The following CAMK1D variants were observed in gnomAD, a reference collection of about 807,000 sequenced individuals.
CAMK1D encodes calcium/calmodulin dependent protein kinase ID, also known as calcium/calmodulin-dependent protein kinase type 1D.
Under a neutral mutation model 47.7 loss-of-function variants are expected in CAMK1D, and 9 were observed. The ratio of observed to expected loss-of-function variants is 0.19; its 90% CI spans 0.11 to 0.33. The LOEUF (loss-of-function observed/expected upper bound fraction) is 0.33. Among genes scored for constraint, CAMK1D ranks in the 10% least tolerant of loss-of-function variants. CAMK1D has a pLI of 1.00. For synonymous variants in CAMK1D, 184 were observed against 184.9 expected (o/e 0.99, Z 0.04); for missense variants, 291 against 488.7 (o/e 0.60, Z 3.81).
At chr10:12,364,792 A>G (rs528456606) in intron 1 of CAMK1D, among the ~76,000 whole-genome samples, 4 of 152,174 alleles carry the variant, frequency 2.6e-5, no homozygotes, top group Admixed American at 2.0e-4. Flanking sequence ...TCTGATTTCA[A>G]GCTCCCCATG....
intron 2 of CAMK1D, among the ~76,000 whole-genome samples, chr10:12,600,682 A>G (rs1015848543): frequency 6.6e-6 from 1 of 152,194 alleles, no homozygotes; most frequent in East Asian, 1.9e-4. Flanking sequence ...ACATGGATCT[A>G]TTGCGTAGTG....
chr10:12,427,070 G>T (rs1229273935), intron 1 of CAMK1D, among the ~76,000 whole-genome samples: 1 of 152,092 alleles, frequency 6.6e-6, no homozygotes, highest in African/African-American at 2.4e-5. Flanking sequence ...GACTGGTCTC[G>T]AACTCCTGGG....
chr10:12,411,087 G>C (rs1256659407), intron 1 of CAMK1D, among the ~76,000 whole-genome samples: 2 of 152,100 alleles, frequency 1.3e-5, no homozygotes, highest in Non-Finnish European at 2.9e-5. Flanking sequence ...TAAGCTTCGA[G>C]CCCACCCCAT....
intron 10 of CAMK1D, among the ~76,000 whole-genome samples, chr10:12,827,346 CCTT>C (rs2131130177): frequency 6.8e-5 from 6 of 88,506 alleles, no homozygotes; most frequent in Non-Finnish European, 9.0e-5. Flanking sequence ...TTCCTTCCTT[CCTT>C]CTTCCTTTCT....
intron 3 of CAMK1D, among the ~76,000 whole-genome samples, chr10:12,711,093 C>A (rs947537909): frequency 6.6e-6 from 1 of 152,162 alleles, no homozygotes; most frequent in African/African-American, 2.4e-5. Context: ...CCTTCTATTT[C>A]TTGGTATTAA....
intron 2 of CAMK1D, among the ~76,000 whole-genome samples, chr10:12,584,219 A>C (rs1837747873): frequency 6.6e-6 from 1 of 152,300 alleles, no homozygotes; most frequent in Admixed American, 6.5e-5. Flanking sequence ...TTTATTTGGA[A>C]AAGTAGCAAT....
intron 1 of CAMK1D, among the ~76,000 whole-genome samples, chr10:12,455,503 T>A (rs1344897706): frequency 6.6e-6 from 1 of 152,220 alleles, no homozygotes; most frequent in African/African-American, 2.4e-5. Context: ...TGTTGTCACC[T>A]TAGATTAGTT....
intron 2 of CAMK1D, among the ~76,000 whole-genome samples, chr10:12,654,674 G>C (rs576400388): frequency 8.5e-5 from 13 of 152,138 alleles, no homozygotes; most frequent in Non-Finnish European, 1.3e-4. Flanking sequence ...GGTTGGCCAT[G>C]TAGCCTTAAA....
At chr10:12,805,717 G>A (rs547110234) in intron 6 of CAMK1D, among the ~76,000 whole-genome samples, 1 of 152,344 alleles carries the variant, frequency 6.6e-6, no homozygotes, top group African/African-American at 2.4e-5. Context: ...AGAGGGAGGT[G>A]GGCTGGACTG....
chr10:12,693,572 C>T (rs938948111), intron 3 of CAMK1D, among the ~76,000 whole-genome samples: 1 of 151,896 alleles, frequency 6.6e-6, no homozygotes, highest in African/African-American at 2.4e-5. Context: ...GTCGAGGCTG[C>T]AGTGAGCTAT....
At chr10:12,696,599 G>A (rs996698285) in intron 3 of CAMK1D, among the ~76,000 whole-genome samples, 4 of 152,132 alleles carry the variant, frequency 2.6e-5, no homozygotes, top group Non-Finnish European at 5.9e-5. Flanking sequence ...ACAAATAGCC[G>A]TCTCCTTCAG....
At chr10:12,710,288 C>T (rs113838097) in intron 3 of CAMK1D, among the ~76,000 whole-genome samples, 1,774 of 152,280 alleles carry the variant, frequency 0.012, 27 homozygotes, top group African/African-American at 0.04. Flanking sequence ...CATTGATTTA[C>T]GTTGTAAGTA....
chr10:12,416,648 G>A (rs1839858808), intron 1 of CAMK1D, among the ~76,000 whole-genome samples: 1 of 152,240 alleles, frequency 6.6e-6, no homozygotes, highest in South Asian at 2.1e-4. Context: ...ATTGCTGTAA[G>A]GCCGGGGTCT....
chr10:12,410,992 G>T (rs1304875783), intron 1 of CAMK1D, among the ~76,000 whole-genome samples: 1 of 152,102 alleles, frequency 6.6e-6, no homozygotes, highest in African/African-American at 2.4e-5. Flanking sequence ...AGAGTGCATG[G>T]TTAGCCTACA....
intron 1 of CAMK1D, among the ~76,000 whole-genome samples, chr10:12,446,923 G>T (rs1832941164): frequency 6.6e-6 from 1 of 152,134 alleles, no homozygotes; most frequent in Non-Finnish European, 1.5e-5. Context: ...CTTAAATTGG[G>T]CTAAATGTAG....
chr10:12,685,196 G>A (rs1832608033), intron 3 of CAMK1D, among the ~76,000 whole-genome samples: 1 of 152,198 alleles, frequency 6.6e-6, no homozygotes, highest in African/African-American at 2.4e-5. Context: ...AGCTACTCGG[G>A]AGGCTGAGGC....
chr10:12,812,116 C>T (rs998707257), intron 6 of CAMK1D, among the ~76,000 whole-genome samples: 9 of 152,252 alleles, frequency 5.9e-5, no homozygotes, highest in South Asian at 2.1e-4. Flanking sequence ...GTGCGTCCCA[C>T]GGGAGGAACA....
At chr10:12,442,810 G>C (rs975675442) in intron 1 of CAMK1D, among the ~76,000 whole-genome samples, 1 of 152,110 alleles carries the variant, frequency 6.6e-6, no homozygotes, top group Non-Finnish European at 1.5e-5. Flanking sequence ...AGTGAAAACC[G>C]ACTTCATCCG....
At chr10:12,543,577 A>G (rs946913779) in intron 1 of CAMK1D, among the ~76,000 whole-genome samples, 2 of 152,102 alleles carry the variant, frequency 1.3e-5, no homozygotes, top group Non-Finnish European at 2.9e-5. Context: ...CTCTATGATA[A>G]TTTTTTAACT....
Sources: gnomAD v4.1 joint callset for allele counts (sites outside exome capture counted in the v4.1 genomes callset) on GRCh38, gnomAD v4.1.1 for gene constraint, MANE v1.5 for transcripts, NCBI Gene and HGNC (gene_info 2026-07-23, HGNC 2026-07-21) for gene names.